Variants in PARD3B observed in about 807,000 individuals in gnomAD.
PARD3B encodes the protein par-3 family cell polarity regulator beta.
PARD3B carries 103 observed loss-of-function variants against 130.2 expected under a neutral mutation model. That is an observed-to-expected ratio of 0.79 (90% CI 0.67 to 0.93). The LOEUF (loss-of-function observed/expected upper bound fraction) is 0.93. PARD3B is among the 40% of genes least tolerant of loss of function. PARD3B has a pLI of 0.00. For missense variants in PARD3B, 1,609 were observed against 1,499.2 expected (o/e 1.07, Z -1.21); for synonymous variants, 583 against 553.2 (o/e 1.05, Z -0.76).
chr2:204,653,959 T>C (rs193269555), intron 1 of PARD3B, among the ~76,000 whole-genome samples: 8 of 151,294 alleles, frequency 5.3e-5, no homozygotes, highest in Admixed American at 6.5e-5. Context: ...TTTATGAACA[T>C]GCATATACAT....
At chr2:204,763,745 T>A (rs1233783955) in intron 2 of PARD3B, among the ~76,000 whole-genome samples, 1 of 152,222 alleles carries the variant, frequency 6.6e-6, no homozygotes, top group African/African-American at 2.4e-5. Flanking sequence ...TTCTCCTGTT[T>A]AAACATTGAA....
In PARD3B at chr2:205,028,763, A is replaced by C. The variant is rs561893348; in HGVS notation, c.395-18818A>C. Among the ~76,000 whole-genome samples, 26 of 152,314 alleles carry C rather than the reference A, an allele frequency of 1.7e-4. No homozygotes were observed. In the South Asian group the frequency reaches 5.4e-3, roughly 32 times the overall value. Reference sequence around the variant, plus strand: ...GTTTGCAGATGTCATGATCTTTTACATAGAAAACCCTAAGGAAAACCCAAA... The same window carrying C: ...GTTTGCAGATGTCATGATCTTTTACCTAGAAAACCCTAAGGAAAACCCAAA... On this transcript the variant is annotated intron_variant, in intron 3 of 22. Coordinates refer to ENST00000406610, the MANE Select transcript of PARD3B (RefSeq NM_001302769.2).
intron 2 of PARD3B, among the ~76,000 whole-genome samples, chr2:204,779,239 A>G (rs1299226360): frequency 6.6e-6 from 1 of 151,960 alleles, no homozygotes. Context: ...CTATATAATT[A>G]TTTTTTTAGC....
chr2:205,323,871 G>A (rs1183403397), intron 18 of PARD3B, among the ~76,000 whole-genome samples: 5 of 152,166 alleles, frequency 3.3e-5, no homozygotes, highest in Admixed American at 3.3e-4. Flanking sequence ...GTACTCTCTA[G>A]CTAGATCCCA....
intron 2 of PARD3B, among the ~76,000 whole-genome samples, chr2:204,798,895 C>T (rs943527116): frequency 6.6e-6 from 1 of 152,082 alleles, no homozygotes; most frequent in African/African-American, 2.4e-5. Flanking sequence ...TAGTACTTGC[C>T]ATGGGCCTTG....
intron 2 of PARD3B, among the ~76,000 whole-genome samples, chr2:204,819,673 C>G (rs2043267355): frequency 3.3e-5 from 5 of 152,142 alleles, no homozygotes; most frequent in Admixed American, 3.3e-4. Flanking sequence ...TTGCACCAAA[C>G]AGCCAAGATA....
chr2:205,222,439 C>A (rs2038293427), intron 15 of PARD3B, among the ~76,000 whole-genome samples: 1 of 152,094 alleles, frequency 6.6e-6, no homozygotes, highest in Non-Finnish European at 1.5e-5. Flanking sequence ...ATAATAAAAC[C>A]CAACTCAAAG....
rs34397237 is a variant in PARD3B at position 205,123,656 on chromosome 2, C to CA, written c.1166-654dup. Among the ~76,000 whole-genome samples, 49 of 11,814 alleles carry CA rather than the reference C, an allele frequency of 4.1e-3. 2 individuals carry two copies. The highest frequency in any genetic ancestry group is 7.0e-3 in the African/African-American group (25 of 3,550). The allele number at this position is 11,814 out of a possible 152,430, so 7.8% of individuals were successfully genotyped here. ...CATGAAAACCAAAGAGAGTCAATTT[C>CA]AAAAAAAAAAAAAAAAATAAGTGGT... On this transcript the variant is annotated intron_variant, in intron 8 of 22. Coordinates refer to ENST00000406610, the MANE Select transcript of PARD3B (RefSeq NM_001302769.2).
intron 2 of PARD3B, among the ~76,000 whole-genome samples, chr2:204,721,429 C>T (rs755761149): frequency 6.6e-6 from 1 of 152,076 alleles, no homozygotes; most frequent in Non-Finnish European, 1.5e-5. Flanking sequence ...TTTAAAGTGG[C>T]ATCTCTAGTA....
chr2:205,534,399 T>A (rs568010836), intron 21 of PARD3B, among the ~76,000 whole-genome samples: 105 of 150,240 alleles, frequency 7.0e-4, no homozygotes, highest in African/African-American at 2.5e-3. Flanking sequence ...GGAGAGTGAG[T>A]GAGAAGGAGA....
intron 15 of PARD3B, among the ~76,000 whole-genome samples, chr2:205,225,457 T>C (rs894437533): frequency 1.3e-5 from 2 of 152,208 alleles, no homozygotes; most frequent in African/African-American, 2.4e-5. Context: ...GATTTTTAGA[T>C]TTTTTTCCTC....
At chr2:205,349,946 A>G (rs185542866) in intron 18 of PARD3B, among the ~76,000 whole-genome samples, 1 of 152,192 alleles carries the variant, frequency 6.6e-6, no homozygotes, top group African/African-American at 2.4e-5. Flanking sequence ...CACAATAAAC[A>G]GGCACCAAAA....
Position 205,619,863 on chromosome 2 carries a change from G to A in PARD3B, c.*4050G>A, listed in dbSNP as rs2055544007. ...TCCTGACTGGGCTCCTTCAGAAAGT[G>A]TTCTCCTGTTCCATCTGTAGGGCTG... On this transcript the variant is annotated 3_prime_UTR_variant, in exon 23 of 23. Transcript: ENST00000406610. 1 of 152,142 alleles carries A rather than the reference G, an allele frequency of 6.6e-6. No individual in the cohort carries two copies. The highest frequency in any genetic ancestry group is 2.4e-5 in the African/African-American group (1 of 41,424). The allele number at this position is 152,142 out of a possible 1,614,324, so 9.4% of individuals were successfully genotyped here.
At chr2:205,008,806 C>T (rs1486771829) in intron 3 of PARD3B, among the ~76,000 whole-genome samples, 1 of 152,176 alleles carries the variant, frequency 6.6e-6, no homozygotes, top group Non-Finnish European at 1.5e-5. Flanking sequence ...TAACAGTCCT[C>T]ATTTTAGAGA....
chr2:204,956,795 A>T (rs1323964811), intron 2 of PARD3B, among the ~76,000 whole-genome samples: 1 of 152,178 alleles, frequency 6.6e-6, no homozygotes, highest in Non-Finnish European at 1.5e-5. Flanking sequence ...GGGAAGCAAG[A>T]ATGTTATTGA....
intron 2 of PARD3B, among the ~76,000 whole-genome samples, chr2:204,926,620 A>T (rs2125765694): frequency 6.6e-6 from 1 of 152,140 alleles, no homozygotes; most frequent in African/African-American, 2.4e-5. Flanking sequence ...ACAGCATTTT[A>T]CCCTTATTAT....
intron 1 of PARD3B, among the ~76,000 whole-genome samples, chr2:204,563,217 GTCTCTCTCTCTC>G (rs35536964): frequency 0.047 from 4,084 of 86,646 alleles, 91 homozygotes; most frequent in South Asian, 0.087. Flanking sequence ...TCTTCCCGCT[GTCTCTCTCTCTC>G]TCTCTCTCTC....
At chr2:204,637,657 G>C (rs4675469) in intron 1 of PARD3B, among the ~76,000 whole-genome samples, 122,334 of 151,986 alleles carry the variant, frequency 0.8, 51,733 homozygotes, top group Non-Finnish European at 0.93. Context: ...TTTATTACTC[G>C]TGATTTACAT....
chr2:204,998,656 C>A (rs1003491202), intron 3 of PARD3B, among the ~76,000 whole-genome samples: 1 of 151,294 alleles, frequency 6.6e-6, no homozygotes, highest in Non-Finnish European at 1.5e-5. Context: ...TTCTACTAAA[C>A]ATTTTTCCAT....
Sources: allele counts gnomAD v4.1 joint callset (sites outside exome capture counted in the v4.1 genomes callset), GRCh38; gene constraint gnomAD v4.1.1; transcripts MANE v1.5; gene names NCBI Gene and HGNC (gene_info 2026-07-23, HGNC 2026-07-21).